ADGRV1: variants seen among roughly 807,000 people sequenced by gnomAD.
The protein encoded by ADGRV1 is G-protein coupled receptor 98.
ADGRV1 carries 359 observed loss-of-function variants against 596.2 expected under a neutral mutation model. The observed-to-expected ratio is 0.60, with a 90% CI of 0.55 to 0.66. The LOEUF is 0.66. Among genes scored for constraint, ADGRV1 ranks in the 30% least tolerant of loss-of-function variants. The pLI, the probability that ADGRV1 is intolerant of heterozygous loss-of-function variation, is 0.00. For synonymous variants in ADGRV1, 2,681 were observed against 2,679.2 expected, an observed-to-expected ratio of 1.00 and a Z score of -0.02; for missense variants, 7,274 against 7,575.6, an observed-to-expected ratio of 0.96 and a Z score of 1.48.
intron 75 of ADGRV1, among the ~76,000 whole-genome samples, chr5:90,817,748 G>A (rs1380292769): frequency 6.6e-6 from 1 of 152,006 alleles, no homozygotes; most frequent in Non-Finnish European, 1.5e-5. Flanking sequence ...ACTTCTGAGG[G>A]CTCTGTTCTG....
At chr5:90,591,585 G>A (rs1759516628) in intron 1 of ADGRV1, among the ~76,000 whole-genome samples, 1 of 152,086 alleles carries the variant, frequency 6.6e-6, no homozygotes, top group Admixed American at 6.5e-5. Flanking sequence ...TTTGCTAAAG[G>A]AAAGGCATAA....
chr5:90,867,333 G>A (rs183518766), intron 83 of ADGRV1, among the ~76,000 whole-genome samples: 54 of 152,200 alleles, frequency 3.5e-4, no homozygotes, highest in Non-Finnish European at 5.4e-4. Context: ...AAACTAAATA[G>A]CAAATTCATC....
Position 90,823,541 on chromosome 5 carries a change from C to T in ADGRV1, c.16313C>T (p.Thr5438Ile), listed in dbSNP as rs745477465. 27 of 1,613,818 alleles carry T rather than the reference C, an allele frequency of 1.7e-5. No homozygotes were observed. In the East Asian group the frequency reaches 4.0e-4, roughly 24 times the overall value. Residue 5438 changes from threonine to isoleucine, a missense_variant, in exon 76 of 90, where the codon ACC becomes ATC. Thr to Ile is a moderately conservative substitution (Grantham distance 89). Around this residue, in one of 5 missense-constraint regions of ADGRV1, gnomAD observed 1,874 missense variants for 1,970.2 expected, o/e 0.95. Coordinates refer to ENST00000405460, the MANE Select transcript of ADGRV1 (RefSeq NM_032119.4). The stretch of plus-strand genomic sequence containing the variant: ...CTTCAGTCTGTGTCAGGGACCACAA[C>T]CTGTACAATGGGTCAAACAAAATGC... The part of the protein sequence containing the change: ...EELQSVSGTT[T>I]CTMGQTKCFI...
At chr5:90,758,625 ATCTG>A (rs1212004592) in intron 57 of ADGRV1, among the ~76,000 whole-genome samples, 1 of 152,126 alleles carries the variant, frequency 6.6e-6, no homozygotes, top group Non-Finnish European at 1.5e-5. Context: ...TCATGTTTCT[ATCTG>A]TCTGAGTGTG....
chr5:91,035,630 G>A (rs1410554536), intron 85 of ADGRV1, among the ~76,000 whole-genome samples: 4 of 151,374 alleles, frequency 2.6e-5, no homozygotes, highest in Admixed American at 2.6e-4. Context: ...CTTGAATTGA[G>A]AAACCAATGT....
chr5:90,900,103 A>G (rs890753460), intron 83 of ADGRV1, among the ~76,000 whole-genome samples: 4 of 152,148 alleles, frequency 2.6e-5, no homozygotes, highest in Admixed American at 2.0e-4. Flanking sequence ...TTCATTTACA[A>G]TTTTGGTAAA....
chr5:90,669,874 A>G (rs1358075446), intron 21 of ADGRV1, among the ~76,000 whole-genome samples: 5 of 152,214 alleles, frequency 3.3e-5, no homozygotes, highest in Non-Finnish European at 1.5e-5. Context: ...TATCAATTGC[A>G]TTGGAACAAT....
intron 1 of ADGRV1, among the ~76,000 whole-genome samples, chr5:90,579,374 A>G (rs972218147): frequency 2.6e-5 from 4 of 152,170 alleles, no homozygotes; most frequent in African/African-American, 9.7e-5. Flanking sequence ...CCCAGTAGTC[A>G]TTCAGGAGCA....
chr5:90,585,825 C>T (rs937168554), intron 1 of ADGRV1, among the ~76,000 whole-genome samples: 2 of 152,302 alleles, frequency 1.3e-5, no homozygotes, highest in African/African-American at 2.4e-5. Flanking sequence ...ACATAGAGAA[C>T]GAAGCCATCT....
intron 85 of ADGRV1, among the ~76,000 whole-genome samples, chr5:91,038,934 T>G (rs1785117366): frequency 6.6e-6 from 1 of 152,188 alleles, no homozygotes. Context: ...TAATTTACAC[T>G]GGGGTGTGAT....
chr5:90,823,794 C>G (rs1247404574), intron 76 of ADGRV1, among the ~76,000 whole-genome samples, 198 bp downstream of exon 76: 1 of 152,098 alleles, frequency 6.6e-6, no homozygotes, highest in Non-Finnish European at 1.5e-5. Flanking sequence ...TGTAAATAAA[C>G]TTGTCATTTT....
chr5:90,646,147 A>C, intron 16 of ADGRV1, 56 bp downstream of exon 16: 8 of 1,274,916 alleles, frequency 6.3e-6, no homozygotes, highest in Non-Finnish European at 8.5e-6. Flanking sequence ...AGTATATATA[A>C]ATGTATATAT....
chr5:90,730,504 C>G (rs748619552), intron 50 of ADGRV1, among the ~76,000 whole-genome samples: 83 of 152,138 alleles, frequency 5.5e-4, no homozygotes, highest in Admixed American at 1.6e-3. Context: ...TTCATGAACT[C>G]TCCCAACCTC....
chr5:90,685,878 C>A lies in ADGRV1; in HGVS notation c.6373C>A (p.Pro2125Thr). The A allele has an allele frequency of 6.2e-7, 1 of 1,612,074 alleles. No individual in the cohort carries two copies. Among genetic ancestry groups the A allele is most frequent in the Non-Finnish European group, 8.5e-7 (1 of 1,178,706 alleles). The change falls in exon 29 of 90, where the codon CCA (proline) becomes ACA (threonine). Residue 2125 changes from proline (P) to threonine (T), a missense_variant. Pro to Thr is a conservative substitution (Grantham distance 38). Around this residue, in one of 5 missense-constraint regions of ADGRV1, gnomAD observed 3,643 missense variants for 3,809.2 expected, o/e 0.96. Coordinates refer to ENST00000405460, the MANE Select transcript of ADGRV1 (RefSeq NM_032119.4). ...ATTTGGAACTCTTCAGCTCTCAGCA[C>A]CAATTGTCCGAGTGGCAGAAAATCA... Reference protein sequence around the residue: ...DAFGTLQLSAPIVRVAENHVG... With the variant: ...DAFGTLQLSATIVRVAENHVG...
chr5:90,859,408 T>C (rs1767331606), intron 82 of ADGRV1, among the ~76,000 whole-genome samples: 1 of 152,166 alleles, frequency 6.6e-6, no homozygotes, highest in Non-Finnish European at 1.5e-5. Flanking sequence ...ATACCATATT[T>C]TTCTAGCCAT....
At chr5:91,010,304 T>A (rs1156822306) in intron 85 of ADGRV1, among the ~76,000 whole-genome samples, 1 of 152,104 alleles carries the variant, frequency 6.6e-6, no homozygotes, top group Non-Finnish European at 1.5e-5. Context: ...CACCTAAATA[T>A]GAGCACACAT....
intron 85 of ADGRV1, among the ~76,000 whole-genome samples, chr5:90,987,849 A>T (rs994146593): frequency 1.3e-5 from 2 of 152,084 alleles, no homozygotes; most frequent in Non-Finnish European, 2.9e-5. Context: ...AAGAATTTTT[A>T]AAAATGCCTC....
At position 90,811,194 on chromosome 5, in the gene ADGRV1, G is replaced by C; in HGVS notation, c.15934G>C (p.Val5312Leu). ...IFLDGERERK[V>L]SVQILDDDEP... ...CCTAGATGGAGAAAGAGAACGTAAA[G>C]TATCAGTTCAAATTTTGGATGATGA... The change falls in exon 74 of 90, where the codon GTA becomes CTA. Residue 5312 changes from valine to leucine, a missense_variant. Physicochemically the swap from Val to Leu is conservative, Grantham distance 32 (BLOSUM62 1). Transcript: ENST00000405460. 6.2e-7 allele frequency: 1 copy of C among 1,613,550 alleles called. No homozygotes were observed. Among genetic ancestry groups the C allele is most frequent in the Non-Finnish European group, 8.5e-7 (1 of 1,179,660 alleles).
At chr5:90,891,752 G>A (rs1056309970) in intron 83 of ADGRV1, among the ~76,000 whole-genome samples, 1 of 151,788 alleles carries the variant, frequency 6.6e-6, no homozygotes, top group African/African-American at 2.4e-5. Context: ...CATTAAAATA[G>A]GTGAAATGTT....
Sources: gnomAD v4.1 joint callset for allele counts (sites outside exome capture counted in the v4.1 genomes callset) on GRCh38, gnomAD v4.1.1 for gene constraint, gnomAD v4.1.1 regional missense constraint, MANE v1.5 for transcripts, NCBI Gene and HGNC (gene_info 2026-07-23, HGNC 2026-07-21) for gene names.